The following COL26A1 variants were observed in gnomAD, a reference collection of about 807,000 sequenced individuals.
The protein encoded by COL26A1 is collagen alpha-1(XXVI) chain.
Under a neutral mutation model 59.3 loss-of-function variants are expected in COL26A1, and 41 were observed. The ratio of observed to expected loss-of-function variants is 0.69; its 90% CI spans 0.54 to 0.90. The LOEUF (loss-of-function observed/expected upper bound fraction) is 0.90, where lower values mean the gene tolerates loss of function less well. Ranked by LOEUF, COL26A1 falls within the 40% of genes least tolerant of loss-of-function variation. The pLI is 0.00. For synonymous variants in COL26A1, 266 were observed against 256.0 expected (o/e 1.04, Z -0.37); for missense variants, 612 against 602.3 (o/e 1.02, Z -0.17).
chr7:101,420,160 TC>T, intron 2 of COL26A1, 61 bp downstream of exon 2: 1 of 1,593,044 alleles, frequency 6.3e-7, no homozygotes. Context: ...ACAAAACCAG[TC>T]CCAGGATGGC....
chr7:101,491,447 A>G (rs886400629), intron 3 of COL26A1, among the ~76,000 whole-genome samples: 2 of 152,148 alleles, frequency 1.3e-5, no homozygotes, highest in African/African-American at 4.8e-5. Flanking sequence ...CTCACACAAG[A>G]AAGAATTGAG....
Position 101,545,213 on chromosome 7 carries a change from C to T in COL26A1, c.704-125C>T, listed in dbSNP as rs1795707414. ...AAGGAAGACTGTGGATCGGAGGTCA[C>T]CACTGACTGCCTGTGGGCCCCTGAC... On this transcript the variant is annotated intron_variant, in intron 6 of 12. Coordinates refer to ENST00000313669, the MANE Select transcript of COL26A1 (RefSeq NM_001278563.3). 3 of 798,646 alleles carry T rather than the reference C, an allele frequency of 3.8e-6. No individual in the cohort carries two copies. The East Asian group carries it at 9.0e-5, about 24-fold the overall frequency. 49.5% of individuals were successfully genotyped at this position (798,646 alleles called of 1,614,324 possible). A position where few individuals can be genotyped will look rare whatever the true frequency, so the allele number is the denominator to read the frequency against.
At chr7:101,471,719 A>T (rs1793910641) in intron 3 of COL26A1, among the ~76,000 whole-genome samples, 1 of 151,784 alleles carries the variant, frequency 6.6e-6, no homozygotes, top group South Asian at 2.1e-4. Flanking sequence ...AGCTGGGACG[A>T]TAGGCACGCA....
At chr7:101,412,010 G>GA (rs548548409) in intron 1 of COL26A1, among the ~76,000 whole-genome samples, 1 of 152,138 alleles carries the variant, frequency 6.6e-6, no homozygotes, top group Non-Finnish European at 1.5e-5. Context: ...CCTGGGGAGG[G>GA]AGGGGACGCA....
chr7:101,442,803 TG>T (rs1339167413), intron 2 of COL26A1, among the ~76,000 whole-genome samples: 3 of 152,016 alleles, frequency 2.0e-5, no homozygotes, highest in Non-Finnish European at 4.4e-5. Context: ...TGACTGTGAG[TG>T]TGCATGAGTG....
intron 1 of COL26A1, among the ~76,000 whole-genome samples, chr7:101,396,820 A>C (rs560201774): frequency 1.8e-4 from 27 of 152,260 alleles, no homozygotes; most frequent in African/African-American, 6.3e-4. Flanking sequence ...GCTTGGGGAC[A>C]AGGGTTTGAT....
intron 3 of COL26A1, 25 bp downstream of exon 3, chr7:101,447,812 C>T: frequency 1.4e-6 from 2 of 1,465,700 alleles, no homozygotes; most frequent in Middle Eastern, 1.7e-4. Context: ...ACTTGGGCTG[C>T]AGGGGGCCAG....
At chr7:101,439,117 C>T (rs556084080) in intron 2 of COL26A1, among the ~76,000 whole-genome samples, 58 of 152,268 alleles carry the variant, frequency 3.8e-4, no homozygotes, top group African/African-American at 1.3e-3. Flanking sequence ...GGAGGACCAC[C>T]CCACCTTGGG....
At position 101,374,130 on chromosome 7, in the gene COL26A1, C is replaced by T. The variant is rs28591419; in HGVS notation, c.158+10940C>T. ...ACACATGCCGTGCTGTTCTGCCCTC[C>T]GAGTTGTCAGGGGTCCCTGGCCTTC... is the stretch of plus-strand genomic sequence containing the variant. On this transcript the variant is annotated intron_variant, in intron 1 of 12. Coordinates refer to ENST00000313669, the MANE Select transcript of COL26A1 (RefSeq NM_001278563.3). Among the ~76,000 whole-genome samples, 1,372 of 152,300 alleles carry T rather than the reference C, an allele frequency of 9.0e-3. 22 individuals carry two copies. The highest frequency in any genetic ancestry group is 0.031 in the African/African-American group (1,286 of 41,552).
intron 1 of COL26A1, among the ~76,000 whole-genome samples, chr7:101,415,477 T>A (rs554211598): frequency 1.3e-3 from 198 of 152,096 alleles, no homozygotes; most frequent in Middle Eastern, 6.8e-3. Flanking sequence ...AAAAGTTAGA[T>A]TTTAAATATA....
At chr7:101,544,160 A>G in intron 6 of COL26A1, 64 bp downstream of exon 6, 4 of 1,304,786 alleles carry the variant, frequency 3.1e-6, no homozygotes, top group Non-Finnish European at 4.3e-6. Context: ...TTTCTTCTCT[A>G]CTGGAACAGG....
At chr7:101,378,516 C>T (rs904899234) in intron 1 of COL26A1, among the ~76,000 whole-genome samples, 6 of 151,904 alleles carry the variant, frequency 3.9e-5, no homozygotes, top group Non-Finnish European at 8.8e-5. Flanking sequence ...AGCAAGACTC[C>T]ATCTAAAACA....
intron 2 of COL26A1, among the ~76,000 whole-genome samples, chr7:101,436,943 A>G (rs1584406442): frequency 6.6e-6 from 1 of 152,096 alleles, no homozygotes; most frequent in African/African-American, 2.4e-5. Context: ...CGAATTCCTG[A>G]CCTCAGGTGA....
intron 1 of COL26A1, among the ~76,000 whole-genome samples, chr7:101,375,784 C>T (rs895292690): frequency 6.7e-6 from 1 of 150,020 alleles, no homozygotes; most frequent in Non-Finnish European, 1.5e-5. Flanking sequence ...TCAGGAGATC[C>T]AGACCATCCT....
At chr7:101,370,347 CTGTT>C (rs1013155383) in intron 1 of COL26A1, among the ~76,000 whole-genome samples, 2 of 151,994 alleles carry the variant, frequency 1.3e-5, no homozygotes, top group Non-Finnish European at 2.9e-5. Context: ...AGCTGACACA[CTGTT>C]TGTTTTGTTG....
chr7:101,452,698 T>C (rs4729709), intron 3 of COL26A1, among the ~76,000 whole-genome samples: 21,123 of 152,032 alleles, frequency 0.14, 1,588 homozygotes, highest in East Asian at 0.19. Flanking sequence ...AATATAATGG[T>C]AAGTATTTGT....
At chr7:101,381,861 C>G (rs1791459203) in intron 1 of COL26A1, among the ~76,000 whole-genome samples, 1 of 151,950 alleles carries the variant, frequency 6.6e-6, no homozygotes, top group African/African-American at 2.4e-5. Flanking sequence ...TGGCCAAACA[C>G]ACAAACGGAG....
chr7:101,392,259 G>A (rs955266467), intron 1 of COL26A1, among the ~76,000 whole-genome samples: 2 of 152,112 alleles, frequency 1.3e-5, no homozygotes, highest in African/African-American at 4.8e-5. Context: ...AGGTACATGA[G>A]GGCCATGAGT....
intron 5 of COL26A1, among the ~76,000 whole-genome samples, chr7:101,542,845 G>T (rs1795645081): frequency 6.6e-6 from 1 of 152,202 alleles, no homozygotes; most frequent in African/African-American, 2.4e-5. Flanking sequence ...CCCCCAGAGC[G>T]TTACCTCATG....
Sources: allele counts gnomAD v4.1 joint callset (sites outside exome capture counted in the v4.1 genomes callset), GRCh38; gene constraint gnomAD v4.1.1; transcripts MANE v1.5; gene names NCBI Gene and HGNC (gene_info 2026-07-23, HGNC 2026-07-21).